DPRX: variants seen among roughly 807,000 people sequenced by gnomAD.
DPRX encodes the protein divergent paired-related homeobox.
A neutral mutation model predicts 8.4 loss-of-function variants in DPRX; 11 were observed. The observed-to-expected ratio is 1.31, with a 90% CI of 0.82 to 2.17. DPRX has a LOEUF of 2.17. DPRX is among the 30% of genes most tolerant of loss of function. The pLI, the probability that DPRX is intolerant of heterozygous loss-of-function variation, is 0.00. For missense variants in DPRX, 211 were observed against 236.7 expected (o/e 0.89, Z 0.71); for synonymous variants, 72 against 87.0 (o/e 0.83, Z 0.96).
chr19:53,625,062 CTTTT>C, the DPRX span, among the ~76,000 whole-genome samples: 7 of 120,280 alleles, frequency 5.8e-5, no homozygotes, highest in Admixed American at 2.9e-4. Flanking sequence ...TCATCATGGG[CTTTT>C]TTTTTTTTTT....
At chr19:53,624,161 C>T in the DPRX span, among the ~76,000 whole-genome samples, 1 of 134,248 alleles carries the variant, frequency 7.4e-6, no homozygotes, top group Non-Finnish European at 1.5e-5. Context: ...AATCTCGACT[C>T]ACTTCAACCT....
chr19:53,601,532 A>G, the DPRX span, among the ~76,000 whole-genome samples: 5 of 141,586 alleles, frequency 3.5e-5, no homozygotes, highest in Non-Finnish European at 6.0e-5. Flanking sequence ...CCCAGGCTGG[A>G]GTGCAGTGGC....
At chr19:53,607,934 A>G in the DPRX span, among the ~76,000 whole-genome samples, 1 of 151,684 alleles carries the variant, frequency 6.6e-6, no homozygotes, top group Admixed American at 6.6e-5. Context: ...GCACTTTGGG[A>G]GTCAGAGGTG....
chr19:53,632,012 G>A (rs754704924), upstream of DPRX: 123 of 1,554,548 alleles, frequency 7.9e-5, 2 homozygotes, highest in South Asian at 1.1e-3. Flanking sequence ...GGTGGGAGTC[G>A]GGTGTGGCTG....
the DPRX span, among the ~76,000 whole-genome samples, chr19:53,618,152 A>G: frequency 0.076 from 11,110 of 146,330 alleles, 472 homozygotes; most frequent in East Asian, 0.17. Context: ...CAAAAAAAAA[A>G]AAAGAAAGAA....
chr19:53,618,303 T>C, the DPRX span, among the ~76,000 whole-genome samples: 1,428 of 152,116 alleles, frequency 9.4e-3, 13 homozygotes, highest in Non-Finnish European at 0.014. Context: ...CAAGATTCCA[T>C]GAGCTGAGAA....
At chr19:53,606,193 G>A in the DPRX span, 6 of 152,162 alleles carry the variant, frequency 3.9e-5, no homozygotes, top group Admixed American at 3.3e-4. The surrounding 1 kb of genome is among the most constrained non-coding windows in gnomAD (Gnocchi z 4.8). Context: ...GCGTGGATCC[G>A]GGCGAGTCCG....
the DPRX span, among the ~76,000 whole-genome samples, chr19:53,625,274 A>C: frequency 6.6e-6 from 1 of 151,898 alleles, no homozygotes; most frequent in Non-Finnish European, 1.5e-5. Flanking sequence ...ACTCATCTCA[A>C]ACTCCTGGCC....
chr19:53,612,851 C>G, the DPRX span, among the ~76,000 whole-genome samples: 27 of 152,286 alleles, frequency 1.8e-4, no homozygotes, highest in Non-Finnish European at 3.8e-4. Context: ...GGGAACCCAG[C>G]AAACCTGTCT....
chr19:53,623,258 GACTGTGCC>G, the DPRX span, among the ~76,000 whole-genome samples: 1 of 151,610 alleles, frequency 6.6e-6, no homozygotes, highest in South Asian at 2.1e-4. Flanking sequence ...AGTGAGCTGA[GACTGTGCC>G]ACTGCACTCC....
chr19:53,630,471 A>G (rs907511777), upstream of DPRX, among the ~76,000 whole-genome samples: 5 of 151,884 alleles, frequency 3.3e-5, no homozygotes, highest in African/African-American at 1.2e-4. Flanking sequence ...AGGCTCACCT[A>G]GGCCCAGGAG....
At chr19:53,627,612 C>T (rs1456166398), upstream of DPRX, among the ~76,000 whole-genome samples, 1 of 150,430 alleles carries the variant, frequency 6.6e-6, no homozygotes, top group East Asian at 2.0e-4. Context: ...AATTTTTGTA[C>T]TTTTTTAGCA....
chr19:53,618,251 A>C, the DPRX span, among the ~76,000 whole-genome samples: 1 of 151,910 alleles, frequency 6.6e-6, no homozygotes, highest in Non-Finnish European at 1.5e-5. Context: ...CTTTTTGGAG[A>C]TGACATTTCT....
the DPRX span, among the ~76,000 whole-genome samples, chr19:53,609,367 C>G: frequency 2.7e-5 from 4 of 148,074 alleles, no homozygotes; most frequent in Admixed American, 2.8e-4. Context: ...ACCCAGGAGG[C>G]TGAGGCAGGA....
exon 3 of DPRX, chr19:53,636,672 A>C: frequency 1.2e-6 from 2 of 1,614,120 alleles, no homozygotes; most frequent in Non-Finnish European, 1.7e-6. Flanking sequence ...GAAACTCCAC[A>C]ACCGCCAATA....
the DPRX span, among the ~76,000 whole-genome samples, chr19:53,623,310 A>AAAATAAATAAATAAAT: frequency 1.2e-3 from 158 of 134,018 alleles, 1 homozygote; most frequent in African/African-American, 3.0e-3. Context: ...CTGTCTCAAA[A>AAAATAAATAAATAAAT]AAATAAATAA....
At chr19:53,632,001 A>G (rs1438874995), upstream of DPRX, 2 of 1,481,384 alleles carry the variant, frequency 1.4e-6, no homozygotes, top group Non-Finnish European at 1.9e-6. Context: ...AAGGTGGAGG[A>G]GGTGGGAGTC....
the DPRX span, among the ~76,000 whole-genome samples, chr19:53,609,766 C>T: frequency 6.6e-6 from 1 of 151,956 alleles, no homozygotes; most frequent in Non-Finnish European, 1.5e-5. Flanking sequence ...GGGCAGGTCA[C>T]CTGAAGTCAG....
chr19:53,612,032 C>T, the DPRX span, among the ~76,000 whole-genome samples: 11 of 149,856 alleles, frequency 7.3e-5, no homozygotes, highest in Admixed American at 1.3e-4. Context: ...TGCCGTGAGC[C>T]GAGATCGTGC....
Sources: allele counts gnomAD v4.1 joint callset (sites outside exome capture counted in the v4.1 genomes callset), GRCh38; gene constraint gnomAD v4.1.1; non-coding constraint Gnocchi (gnomAD v3.1); transcripts MANE v1.5; gene names NCBI Gene and HGNC (gene_info 2026-07-23, HGNC 2026-07-21).